Variants in ACTR3B observed in about 807,000 individuals in gnomAD.
The protein encoded by ACTR3B is actin-related protein 3B.
Under a neutral mutation model 59.0 loss-of-function variants are expected in ACTR3B, and 8 were observed. That is an observed-to-expected ratio of 0.14 (90% CI 0.08 to 0.24). The LOEUF (loss-of-function observed/expected upper bound fraction) is 0.24, where lower values mean the gene tolerates loss of function less well. Among genes scored for constraint, ACTR3B ranks in the 10% least tolerant of loss-of-function variants. ACTR3B has a pLI of 1.00. For missense variants in ACTR3B, 245 were observed against 552.3 expected, an observed-to-expected ratio of 0.44 and a Z score of 5.58; for synonymous variants, 148 against 197.9, an observed-to-expected ratio of 0.75 and a Z score of 2.12.
At chr7:152,779,087 A>G (rs898497289) in intron 1 of ACTR3B, among the ~76,000 whole-genome samples, 2 of 151,668 alleles carry the variant, frequency 1.3e-5, no homozygotes, top group Non-Finnish European at 2.9e-5. Flanking sequence ...TTGTGGTATA[A>G]TGTGACAGTG....
At chr7:152,778,943 CAAAAAAAAAAAAAAAAAAAAAAAAAAA>C (rs59789390) in intron 1 of ACTR3B, among the ~76,000 whole-genome samples, 12 of 36,794 alleles carry the variant, frequency 3.3e-4, no homozygotes, top group Admixed American at 1.6e-3. Context: ...ACTGTGTCTC[CAAAAAAAAAAAAAAAAAAAAAAAAAAA>C]AAAAAAAAAA....
intron 1 of ACTR3B, among the ~76,000 whole-genome samples, chr7:152,773,354 G>A (rs1365710415): frequency 1.3e-5 from 2 of 152,098 alleles, no homozygotes; most frequent in Non-Finnish European, 1.5e-5. Flanking sequence ...TTGAGAGGCC[G>A]AGGTGGGTGG....
At chr7:152,838,931 T>C (rs2116946861) in intron 9 of ACTR3B, among the ~76,000 whole-genome samples, 1 of 152,076 alleles carries the variant, frequency 6.6e-6, no homozygotes, top group South Asian at 2.1e-4. Flanking sequence ...TGTTGTTGGG[T>C]TTTGAAGTAT....
intron 10 of ACTR3B, among the ~76,000 whole-genome samples, chr7:152,852,553 G>T (rs1798900612): frequency 6.6e-6 from 1 of 152,168 alleles, no homozygotes; most frequent in Admixed American, 6.5e-5. Flanking sequence ...ATAATGACCA[G>T]TGTCCCAAGG....
intron 1 of ACTR3B, among the ~76,000 whole-genome samples, chr7:152,778,747 C>T (rs1438974954): frequency 6.6e-6 from 1 of 151,354 alleles, no homozygotes; most frequent in Admixed American, 6.6e-5. Context: ...TGAGACCAAT[C>T]TGGGCAACAT....
chr7:152,832,732 T>G (rs1797128318), intron 9 of ACTR3B, among the ~76,000 whole-genome samples: 1 of 152,110 alleles, frequency 6.6e-6, no homozygotes, highest in Non-Finnish European at 1.5e-5. Context: ...AAGTCCAAAA[T>G]TTGTAGGAAG....
chr7:152,769,778 G>A (rs1359238320), intron 1 of ACTR3B, among the ~76,000 whole-genome samples: 1 of 149,996 alleles, frequency 6.7e-6, no homozygotes, highest in Non-Finnish European at 1.5e-5. Flanking sequence ...ATTTGTGGCT[G>A]TTTTCTGTTG....
chr7:152,836,576 C>G (rs996268083), intron 9 of ACTR3B, among the ~76,000 whole-genome samples: 1 of 150,666 alleles, frequency 6.6e-6, no homozygotes, highest in Admixed American at 6.6e-5. Context: ...GACAAAGGGA[C>G]ACCCTATTTC....
chr7:152,794,495 C>T (rs1176898108), intron 2 of ACTR3B, among the ~76,000 whole-genome samples: 1 of 152,198 alleles, frequency 6.6e-6, no homozygotes, highest in Non-Finnish European at 1.5e-5. Context: ...GGATTACAGG[C>T]GTGAGCCACT....
intron 2 of ACTR3B, among the ~76,000 whole-genome samples, chr7:152,789,059 AC>A (rs1563094450): frequency 1.4e-5 from 1 of 70,066 alleles, no homozygotes; most frequent in Non-Finnish European, 3.2e-5. Flanking sequence ...ACAAACAGCA[AC>A]AACAAACAAC....
At chr7:152,783,429 G>A (rs1398584654) in intron 2 of ACTR3B, among the ~76,000 whole-genome samples, 187 bp downstream of exon 2, 2 of 152,006 alleles carry the variant, frequency 1.3e-5, no homozygotes, top group Admixed American at 6.5e-5. Context: ...CACTGTCGTT[G>A]GAATCTCAGC....
chr7:152,849,364 C>T (rs529578281), intron 9 of ACTR3B, among the ~76,000 whole-genome samples: 3 of 152,324 alleles, frequency 2.0e-5, no homozygotes, highest in East Asian at 3.9e-4. Flanking sequence ...TTCACTGCTG[C>T]AGAGAGCCCT....
chr7:152,842,263 A>G (rs1163997607), intron 9 of ACTR3B, among the ~76,000 whole-genome samples: 2 of 152,232 alleles, frequency 1.3e-5, no homozygotes, highest in Admixed American at 1.3e-4. Context: ...ACTAGCAGCA[A>G]TAACTAATAA....
chr7:152,847,848 C>A (rs1160862656), intron 9 of ACTR3B, among the ~76,000 whole-genome samples: 1 of 152,184 alleles, frequency 6.6e-6, no homozygotes, highest in East Asian at 1.9e-4. Context: ...CTTCTTTAGA[C>A]CCTCACTAGG....
rs1257305770 is a variant in ACTR3B, at chr7:152,854,186, T to C, written c.1162-272T>C. ...GACTTTTCCAAATAATTATTACTTT[T>C]CCCCCTCACATTTGTGAATAGCTCA... On this transcript the variant is annotated intron_variant, in intron 11 of 11. Transcript: ENST00000256001. The surrounding 1 kb of genome is among the most constrained non-coding windows in gnomAD (Gnocchi z 4.9). Among the ~76,000 whole-genome samples, 7 of 152,166 alleles carry C rather than the reference T, an allele frequency of 4.6e-5. No individual in the cohort carries two copies. Among genetic ancestry groups the C allele is most frequent in the African/African-American group, 9.7e-5 (4 of 41,428 alleles).
At chr7:152,805,471 TA>T (rs1673050608) in intron 4 of ACTR3B, among the ~76,000 whole-genome samples, 1 of 152,222 alleles carries the variant, frequency 6.6e-6, no homozygotes, top group Admixed American at 6.5e-5. Context: ...TTACTAAAAA[TA>T]AAACGTACCA....
intron 9 of ACTR3B, among the ~76,000 whole-genome samples, chr7:152,833,195 A>G (rs1195932936): frequency 2.6e-5 from 4 of 152,248 alleles, no homozygotes; most frequent in African/African-American, 4.8e-5. Context: ...GTTAGAGGAA[A>G]GAAGACGTGT....
chr7:152,786,528 G>A (rs1467554874), intron 2 of ACTR3B: 2 of 153,126 alleles, frequency 1.3e-5, no homozygotes, highest in Non-Finnish European at 2.9e-5. Flanking sequence ...ACTCCAGCCT[G>A]GGGGACAGAG....
At chr7:152,832,445 C>T (rs1797105470) in intron 9 of ACTR3B, among the ~76,000 whole-genome samples, 1 of 152,162 alleles carries the variant, frequency 6.6e-6, no homozygotes, top group Admixed American at 6.5e-5. Flanking sequence ...TAGCCTGAAC[C>T]AGCAGAAAGG....
Sources: allele counts gnomAD v4.1 joint callset (sites outside exome capture counted in the v4.1 genomes callset), GRCh38; gene constraint gnomAD v4.1.1; non-coding constraint Gnocchi (gnomAD v3.1); transcripts MANE v1.5; gene names NCBI Gene and HGNC (gene_info 2026-07-23, HGNC 2026-07-21).